Variants in ST3GAL1 observed in about 807,000 individuals in gnomAD.
The protein encoded by ST3GAL1 is CMP-N-acetylneuraminate-beta-galactosamide-alpha-2,3-sialyltransferase 1.
ST3GAL1 carries 16 observed loss-of-function variants against 34.1 expected under a neutral mutation model. The ratio of observed to expected loss-of-function variants is 0.47; its 90% confidence interval spans 0.32 to 0.71. The LOEUF is 0.71. Ranked by LOEUF, ST3GAL1 falls within the 30% of genes least tolerant of loss-of-function variation. The probability of loss-of-function intolerance (pLI) is 0.04; values close to 1 mark genes in which losing one functional copy is unlikely to be tolerated. For missense variants in ST3GAL1, 353 were observed against 447.4 expected (o/e 0.79, Z 1.90); for synonymous variants, 191 against 184.7 (o/e 1.03, Z -0.28).
intron 5 of ST3GAL1, among the ~76,000 whole-genome samples, chr8:133,473,730 TGGAG>T (rs1816053134): frequency 6.6e-6 from 1 of 152,230 alleles, no homozygotes; most frequent in South Asian, 2.1e-4. Context: ...TGACAATGTC[TGGAG>T]ATCTTCTGGC....
At chr8:133,533,075 A>T (rs1211948888) in intron 2 of ST3GAL1, among the ~76,000 whole-genome samples, 6 of 152,150 alleles carry the variant, frequency 3.9e-5, no homozygotes, top group Non-Finnish European at 7.4e-5. Context: ...TGGTTCTCTG[A>T]ATTTCCGCTG....
intron 3 of ST3GAL1, among the ~76,000 whole-genome samples, chr8:133,486,085 T>A (rs909123140): frequency 1.3e-5 from 2 of 152,190 alleles, no homozygotes. Context: ...CATCTCCAGC[T>A]TTCAGAGCTG....
intron 1 of ST3GAL1, among the ~76,000 whole-genome samples, chr8:133,558,387 G>C (rs186282503): frequency 6.6e-6 from 1 of 152,314 alleles, no homozygotes; most frequent in Admixed American, 6.5e-5. Context: ...GTACAGAGAG[G>C]TTCAGCAACT....
At chr8:133,540,892 T>TATATATAG (rs1563734149) in intron 2 of ST3GAL1, among the ~76,000 whole-genome samples, 3 of 64,144 alleles carry the variant, frequency 4.7e-5, no homozygotes, top group South Asian at 9.3e-4. Flanking sequence ...GACATATATA[T>TATATATAG]AGACATATAT....
chr8:133,565,151 C>CTGTGTGTGTGTGTGTGTGTGTGTGTGTG (rs60990775), intron 1 of ST3GAL1, among the ~76,000 whole-genome samples: 2 of 139,308 alleles, frequency 1.4e-5, no homozygotes, highest in Non-Finnish European at 3.1e-5. Context: ...CTCTGTGTGC[C>CTGTGTGTGTGTGTGTGTGTGTGTGTGTG]TGTGTGTGTG....
intron 3 of ST3GAL1, among the ~76,000 whole-genome samples, chr8:133,492,043 G>A (rs1816802044): frequency 6.6e-6 from 1 of 152,162 alleles, no homozygotes; most frequent in Non-Finnish European, 1.5e-5. Flanking sequence ...GGCACCACGG[G>A]GTCAGGGCAT....
At chr8:133,464,400 C>G (rs894901331) in intron 7 of ST3GAL1, among the ~76,000 whole-genome samples, 4 of 152,184 alleles carry the variant, frequency 2.6e-5, no homozygotes, top group African/African-American at 9.6e-5. Flanking sequence ...AACCCTCACC[C>G]TGCCACGCTC....
intron 2 of ST3GAL1, among the ~76,000 whole-genome samples, chr8:133,522,842 C>T (rs745947069): frequency 6.6e-6 from 1 of 152,162 alleles, no homozygotes; most frequent in East Asian, 1.9e-4. Flanking sequence ...CTTCTCTGGC[C>T]TCCTGGTGTG....
Position 133,556,015 on chromosome 8 carries a change from T to G in ST3GAL1, c.-581-10089A>C, listed in dbSNP as rs995258066. The stretch of plus-strand genomic sequence containing the variant: ...TTCAAGCAATTCTCGTGCCTCAGCC[T>G]CCCGCGTAGCTGGGATTACAGGCAC... On this transcript the variant is annotated intron_variant, in intron 1 of 9. Coordinates refer to ENST00000522652, the MANE Select transcript of ST3GAL1 (RefSeq NM_173344.3). This position sits in a 1 kb window ranked among gnomAD's most constrained non-coding sequence, Gnocchi z 8.9. 6.6e-6 allele frequency among the ~76,000 whole-genome samples: 1 copy of G among 152,288 alleles called. No homozygotes were observed. The highest frequency in any genetic ancestry group is 2.1e-4 in the South Asian group (1 of 4,822).
intron 2 of ST3GAL1, among the ~76,000 whole-genome samples, chr8:133,511,434 G>A (rs149937469): frequency 6.6e-6 from 1 of 152,334 alleles, no homozygotes; most frequent in East Asian, 1.9e-4. Context: ...CTATGTAGAT[G>A]TGCACTGTTT....
chr8:133,560,098 T>C (rs1819173346), intron 1 of ST3GAL1, among the ~76,000 whole-genome samples: 1 of 152,224 alleles, frequency 6.6e-6, no homozygotes, highest in East Asian at 1.9e-4. Flanking sequence ...TTTCATATTT[T>C]CAAATAGCTA....
intron 1 of ST3GAL1, among the ~76,000 whole-genome samples, chr8:133,562,851 T>TTTCTTTCTTTC (rs767650148): frequency 2.1e-4 from 3 of 13,966 alleles, no homozygotes; most frequent in African/African-American, 3.1e-4. Context: ...CCTTTCTTTC[T>TTTCTTTCTTTC]TTTTTTTTTT....
chr8:133,488,855 G>A (rs893321436), intron 3 of ST3GAL1, among the ~76,000 whole-genome samples: 24 of 129,252 alleles, frequency 1.9e-4, no homozygotes, highest in Admixed American at 7.5e-4. Context: ...AGACTGCAGC[G>A]GCACTGGCAG....
intron 5 of ST3GAL1, among the ~76,000 whole-genome samples, chr8:133,473,650 G>A (rs1218801848): frequency 6.6e-6 from 1 of 152,206 alleles, no homozygotes; most frequent in Non-Finnish European, 1.5e-5. Flanking sequence ...CAACCCTGCT[G>A]GTTCTCAAGG....
intron 3 of ST3GAL1, among the ~76,000 whole-genome samples, chr8:133,479,207 AG>A (rs34451956): frequency 0.093 from 14,084 of 152,206 alleles, 722 homozygotes; most frequent in Admixed American, 0.15. Context: ...GCCCTGGACA[AG>A]GTGGCTGGGG....
intron 2 of ST3GAL1, among the ~76,000 whole-genome samples, chr8:133,502,843 T>C (rs1479294776): frequency 1.3e-5 from 2 of 152,208 alleles, no homozygotes; most frequent in Non-Finnish European, 2.9e-5. Flanking sequence ...TTTATTCCCC[T>C]TCTAGCAGCC....
At chr8:133,566,056 C>T (rs1182269012) in intron 1 of ST3GAL1, among the ~76,000 whole-genome samples, 2 of 152,258 alleles carry the variant, frequency 1.3e-5, no homozygotes, top group African/African-American at 2.4e-5. Context: ...CTCCAGGTGG[C>T]TTATGATGCT....
Position 133,476,403 on chromosome 8 carries a change from G to A in ST3GAL1, c.-176C>T, listed in dbSNP as rs573143778. 13 of 172,632 alleles carry A rather than the reference G, an allele frequency of 7.5e-5. No individual in the cohort carries two copies. The highest frequency in any genetic ancestry group is 1.2e-5 in the Non-Finnish European group (1 of 80,382). 10.7% of individuals were successfully genotyped at this position (172,632 alleles called of 1,614,324 possible). A position where few individuals can be genotyped will look rare whatever the true frequency, so the allele number is the denominator to read the frequency against. On this transcript the variant is annotated 5_prime_UTR_variant, in exon 4 of 10. Transcript: ENST00000522652. The stretch of plus-strand genomic sequence containing the variant: ...AAGATAAGGGGTCATTAATCTCTGT[G>A]ACAGTCCAGGGTCCCTCAGGAGCGA...
At position 133,466,018 on chromosome 8, in the gene ST3GAL1, T is replaced by A. The variant is rs1563695724; in HGVS notation, c.379A>T (p.Asn127Tyr). 3 of 1,614,124 alleles carry A rather than the reference T, an allele frequency of 1.9e-6. No individual in the cohort carries two copies. The highest frequency in any genetic ancestry group is 4.5e-5 in the East Asian group (2 of 44,874). Residue 127 changes from asparagine to tyrosine, a missense_variant, in exon 6 of 10, where the codon AAT becomes TAT. Transcript: ENST00000522652. This position sits in a 1 kb window ranked among gnomAD's most constrained non-coding sequence, Gnocchi z 4.4. ...CTCTTCTCCAGCATAGGGTCCACAT[T>A]CCCAGGCACCACTCTGAACAGCTCC... ...IKELFRVVPGNVDPMLEKRSV... is the reference protein window; with the variant it reads ...IKELFRVVPGYVDPMLEKRSV...
Sources: allele counts gnomAD v4.1 joint callset (sites outside exome capture counted in the v4.1 genomes callset), GRCh38; gene constraint gnomAD v4.1.1; non-coding constraint Gnocchi (gnomAD v3.1); transcripts MANE v1.5; gene names NCBI Gene and HGNC (gene_info 2026-07-23, HGNC 2026-07-21).